Variants in RASSF5 observed in about 807,000 individuals in gnomAD.
RASSF5 encodes the protein ras association domain-containing protein 5.
RASSF5 carries 25 observed loss-of-function variants against 40.5 expected under a neutral mutation model. That is an observed-to-expected ratio of 0.62 (90% CI 0.45 to 0.86). The LOEUF (loss-of-function observed/expected upper bound fraction) is 0.86, where lower values mean the gene tolerates loss of function less well. Among genes scored for constraint, RASSF5 ranks in the 40% least tolerant of loss-of-function variants. RASSF5 has a pLI of 0.00. For missense variants in RASSF5, 521 were observed against 572.8 expected (o/e 0.91, Z 0.92); for synonymous variants, 246 against 252.4 (o/e 0.97, Z 0.24).
chr1:206,565,020 TC>T (rs562070899), intron 2 of RASSF5, among the ~76,000 whole-genome samples: 102 of 152,218 alleles, frequency 6.7e-4, no homozygotes, highest in African/African-American at 2.3e-3. Context: ...CCACCTCTCT[TC>T]CTAGCTCTAG....
At chr1:206,583,480 G>A in intron 3 of RASSF5, 101 bp downstream of exon 3, 1 of 813,224 alleles carries the variant, frequency 1.2e-6, no homozygotes, top group Non-Finnish European at 2.1e-6. Flanking sequence ...TCCCTGGCAG[G>A]TCCCCTCCCT....
chr1:206,583,234 C>T (rs1553406732), intron 2 of RASSF5, 35 bp from the exon 3 acceptor site: 1 of 1,399,474 alleles, frequency 7.1e-7, no homozygotes, highest in Admixed American at 1.7e-5. Context: ...CTGAGAACTA[C>T]TACACATCCA....
At chr1:206,514,778 T>G (rs1289079739) in intron 1 of RASSF5, among the ~76,000 whole-genome samples, 1 of 152,234 alleles carries the variant, frequency 6.6e-6, no homozygotes, top group Admixed American at 6.5e-5. Flanking sequence ...ATTATCATTG[T>G]GTTTGCTGAA....
chr1:206,546,894 A>G (rs1245140013), intron 2 of RASSF5, among the ~76,000 whole-genome samples: 2 of 152,230 alleles, frequency 1.3e-5, no homozygotes, highest in Admixed American at 6.5e-5. Context: ...CATAAGTAGG[A>G]CCGTTGTAAG....
chr1:206,526,213 A>G (rs1394123879), intron 1 of RASSF5, among the ~76,000 whole-genome samples: 1 of 150,594 alleles, frequency 6.6e-6, no homozygotes, highest in Non-Finnish European at 1.5e-5. Context: ...GTTGCAGGAC[A>G]CTCGTCTTAC....
intron 2 of RASSF5, among the ~76,000 whole-genome samples, chr1:206,574,423 TTCAG>T (rs1668559660): frequency 6.6e-6 from 1 of 152,222 alleles, no homozygotes; most frequent in Non-Finnish European, 1.5e-5. Flanking sequence ...AGGCAGTTCA[TTCAG>T]TTACTACTGG....
At chr1:206,550,019 C>G (rs1345678068) in intron 2 of RASSF5, among the ~76,000 whole-genome samples, 3 of 152,216 alleles carry the variant, frequency 2.0e-5, no homozygotes, top group Non-Finnish European at 2.9e-5. Flanking sequence ...GTCCTGTGAA[C>G]TCGGGCTGCC....
At chr1:206,566,098 G>A (rs187765310) in intron 2 of RASSF5, among the ~76,000 whole-genome samples, 80 of 152,262 alleles carry the variant, frequency 5.3e-4, no homozygotes, top group Non-Finnish European at 9.7e-4. Context: ...TGTCGCTGGC[G>A]GAATTTCTGC....
rs1202727542 is a variant in RASSF5, at chr1:206,584,857, A to G, written c.988+173A>G. On this transcript the variant is annotated intron_variant, in intron 4 of 5. Coordinates refer to ENST00000579436, the MANE Select transcript of RASSF5 (RefSeq NM_182663.4). The surrounding 1 kb of genome is among the most constrained non-coding windows in gnomAD (Gnocchi z 4.9). ...GGAATCCGGGCAGGGAGGCAAGAGC[A>G]GAGTCCCTGACTCTGCATGTGACTT... The G allele has an allele frequency of 7.3e-6, 5 of 688,242 alleles. No homozygotes were observed. Among genetic ancestry groups the G allele is most frequent in the Non-Finnish European group, 1.2e-5 (5 of 412,424 alleles). The allele number at this position is 688,242 out of a possible 1,614,324, so 42.6% of individuals were successfully genotyped here.
intron 2 of RASSF5, among the ~76,000 whole-genome samples, chr1:206,558,185 A>G (rs2103539488): frequency 6.6e-6 from 1 of 152,384 alleles, no homozygotes; most frequent in South Asian, 2.1e-4. Flanking sequence ...ACTTTGCAGA[A>G]GTCCAGGGTG....
rs1298785541 is a variant in RASSF5 at position 206,587,627 on chromosome 1, C to G, written c.*649C>G. 6.5e-6 allele frequency: 1 copy of G among 154,708 alleles called. No homozygotes were observed. Among genetic ancestry groups the G allele is most frequent in the East Asian group, 1.9e-4 (1 of 5,364 alleles). 9.6% of individuals were successfully genotyped at this position (154,708 alleles called of 1,614,324 possible). The stretch of plus-strand genomic sequence containing the variant: ...AAGCTGCAGCCTGCCCTGGCCCTGG[C>G]TCTGGCCCTGGCCCACATTGCACAT... On this transcript the variant is annotated 3_prime_UTR_variant, in exon 6 of 6. Transcript: ENST00000579436.
At chr1:206,549,119 G>A (rs1407405849) in intron 2 of RASSF5, among the ~76,000 whole-genome samples, 1 of 110,330 alleles carries the variant, frequency 9.1e-6, no homozygotes, top group African/African-American at 2.9e-5. Flanking sequence ...ACCCACCTTG[G>A]CCTCTCAAAG....
intron 2 of RASSF5, among the ~76,000 whole-genome samples, chr1:206,559,491 C>G (rs980903590): frequency 6.6e-6 from 1 of 152,202 alleles, no homozygotes; most frequent in Admixed American, 6.5e-5. Context: ...ACAGCCATCT[C>G]TCTCCCTTCT....
At chr1:206,574,051 G>A (rs1302491983) in intron 2 of RASSF5, among the ~76,000 whole-genome samples, 5 of 152,368 alleles carry the variant, frequency 3.3e-5, no homozygotes, top group Non-Finnish European at 4.4e-5. Flanking sequence ...CCTGACTACT[G>A]TCGGTTTTTA....
chr1:206,530,555 C>G (rs966548690), intron 1 of RASSF5, among the ~76,000 whole-genome samples: 97 of 152,358 alleles, frequency 6.4e-4, no homozygotes, highest in African/African-American at 2.2e-3. Context: ...GTAGTACCTT[C>G]TCATTCCCCC....
chr1:206,543,221 T>TAAAAAAAAA (rs10691436), intron 2 of RASSF5: 48 of 136,638 alleles, frequency 3.5e-4, no homozygotes, highest in African/African-American at 1.2e-3. Flanking sequence ...AGACCTTGAC[T>TAAAAAAAAA]AAAAAAAAAA....
chr1:206,538,157 G>T lies in RASSF5; in HGVS notation c.458-15G>T. 1.9e-6 allele frequency: 3 copies of T among 1,614,114 alleles called. No individual in the cohort carries two copies. The highest frequency in any genetic ancestry group is 2.5e-6 in the Non-Finnish European group (3 of 1,179,996). On this transcript the variant is annotated splice_polypyrimidine_tract_variant and intron_variant, in intron 1 of 5. Coordinates refer to ENST00000579436, the MANE Select transcript of RASSF5 (RefSeq NM_182663.4). Reference sequence around the variant, plus strand: ...CTGCCTGTCCTCTAATCTCCCTTTTGTTCTTTACCTCCAGACTGTAAATTC... The same window carrying T: ...CTGCCTGTCCTCTAATCTCCCTTTTTTTCTTTACCTCCAGACTGTAAATTC...
chr1:206,576,390 C>A (rs1202406912), intron 2 of RASSF5, among the ~76,000 whole-genome samples: 5 of 152,232 alleles, frequency 3.3e-5, no homozygotes, highest in Non-Finnish European at 7.3e-5. Context: ...TCCATCCCTA[C>A]CCCAGCCAGC....
chr1:206,557,936 T>C (rs1553402045), intron 2 of RASSF5, among the ~76,000 whole-genome samples: 2 of 152,194 alleles, frequency 1.3e-5, no homozygotes, highest in African/African-American at 4.8e-5. Context: ...CTCCAGAATG[T>C]GGGGGCTGCC....
Sources: gnomAD v4.1 joint callset for allele counts (sites outside exome capture counted in the v4.1 genomes callset) on GRCh38, gnomAD v4.1.1 for gene constraint, Gnocchi (gnomAD v3.1) non-coding constraint, MANE v1.5 for transcripts, NCBI Gene and HGNC (gene_info 2026-07-23, HGNC 2026-07-21) for gene names.